ANO4: variants seen among roughly 807,000 people sequenced by gnomAD.
The protein encoded by ANO4 is anoctamin 4, also known as anoctamin-4.
In ANO4, 69 loss-of-function variants were observed where a neutral mutation model predicts 141.9. The ratio of observed to expected loss-of-function variants is 0.49; its 90% CI spans 0.40 to 0.59. ANO4 has a LOEUF of 0.59. Among genes scored for constraint, ANO4 ranks in the 20% least tolerant of loss-of-function variants. The pLI, the probability that ANO4 is intolerant of heterozygous loss-of-function variation, is 0.00. For missense variants in ANO4, 894 were observed against 1,162.2 expected, an observed-to-expected ratio of 0.77 and a Z score of 3.36; for synonymous variants, 350 against 394.3, an observed-to-expected ratio of 0.89 and a Z score of 1.33.
At chr12:100,889,150 G>A (rs930011464) in intron 1 of ANO4, among the ~76,000 whole-genome samples, 1 of 150,952 alleles carries the variant, frequency 6.6e-6, no homozygotes, top group Admixed American at 6.6e-5. Flanking sequence ...TTGTCCTTGC[G>A]ATAGTTTACT....
intron 8 of ANO4, among the ~76,000 whole-genome samples, chr12:101,008,133 G>A (rs529139462): frequency 2.6e-5 from 4 of 152,198 alleles, no homozygotes; most frequent in South Asian, 4.1e-4. Flanking sequence ...TTTTTAAAAT[G>A]TTAGTTATCT....
chr12:100,734,678 G>A (rs1293882284), intron 2 of ANO4, among the ~76,000 whole-genome samples: 2 of 137,766 alleles, frequency 1.5e-5, no homozygotes, highest in Admixed American at 1.5e-4. Flanking sequence ...TTCATTCTAG[G>A]TCTGTTTGAC....
intron 16 of ANO4, 147 bp from the exon 17 acceptor site, chr12:101,086,513 T>C (rs2049507408): frequency 1.2e-6 from 1 of 814,372 alleles, no homozygotes. Flanking sequence ...TTAACCACAA[T>C]GAAAAGTATG....
chr12:100,998,071 G>A (rs1331714537), intron 8 of ANO4, among the ~76,000 whole-genome samples: 1 of 152,150 alleles, frequency 6.6e-6, no homozygotes, highest in Non-Finnish European at 1.5e-5. Flanking sequence ...GGGTGTGTCT[G>A]TGAGGCCAAA....
intron 5 of ANO4, among the ~76,000 whole-genome samples, chr12:100,950,479 C>T (rs1289690327): frequency 6.6e-6 from 1 of 152,168 alleles, no homozygotes; most frequent in Non-Finnish European, 1.5e-5. Flanking sequence ...GGTGGCTTTT[C>T]TGTTAACTTG....
At chr12:100,973,666 G>GT (rs1394933176) in intron 6 of ANO4, among the ~76,000 whole-genome samples, 1 of 152,086 alleles carries the variant, frequency 6.6e-6, no homozygotes, top group African/African-American at 2.4e-5. Flanking sequence ...TTGCATTAGC[G>GT]TGATATATTT....
intron 1 of ANO4, among the ~76,000 whole-genome samples, chr12:100,873,342 A>G (rs2039128258): frequency 1.3e-5 from 2 of 152,296 alleles, no homozygotes; most frequent in Middle Eastern, 3.4e-3. Context: ...AAAGTTTGGA[A>G]TTTCCTAGAA....
intron 9 of ANO4, among the ~76,000 whole-genome samples, chr12:101,022,729 G>A (rs1247496792): frequency 1.3e-5 from 2 of 152,092 alleles, no homozygotes; most frequent in African/African-American, 4.8e-5. Context: ...ATCATTTGCA[G>A]TACAACTTAT....
rs184951255 is a variant in ANO4, at chr12:100,956,792, C to A, written c.456+14257C>A. ...GATTGTTCAAGGGGATCTCCCCCAACTGCACGTATCTGTAGAAACTCCAGT... is the reference window on the plus strand; with the variant it reads ...GATTGTTCAAGGGGATCTCCCCCAAATGCACGTATCTGTAGAAACTCCAGT... On this transcript the variant is annotated intron_variant, in intron 5 of 27. Coordinates refer to ENST00000392977, the MANE Select transcript of ANO4 (RefSeq NM_001286615.2). 3.2e-4 allele frequency among the ~76,000 whole-genome samples: 49 copies of A among 152,328 alleles called. No homozygotes were observed. The East Asian group carries it at 7.1e-3, about 22-fold the overall frequency.
At chr12:101,061,474 G>A (rs902587969) in intron 14 of ANO4, among the ~76,000 whole-genome samples, 2 of 152,010 alleles carry the variant, frequency 1.3e-5, no homozygotes. Context: ...CCTGAAGAGT[G>A]TTTTCCAACT....
rs944512224 is a variant in ANO4, at chr12:101,094,260, A to T, written c.1706A>T (p.Tyr569Phe). 3.1e-6 allele frequency: 5 copies of T among 1,610,558 alleles called. No individual in the cohort carries two copies. Among genetic ancestry groups the T allele is most frequent in the East Asian group, 2.2e-5 (1 of 44,780 alleles). The part of the protein sequence containing the change: ...FCIIMLLNVL[Y>F]EKVALLLTNL... ...TGCATGAAATTTATTTTACAGCTCT[A>T]TGAAAAAGTTGCCCTGCTTCTGACG... Residue 569 changes from tyrosine (Y) to phenylalanine (F), a missense_variant, in exon 18 of 28, where the codon TAT becomes TTT. Physicochemically the swap from Tyr to Phe is conservative, Grantham distance 22. Around this residue, in one of 2 missense-constraint regions of ANO4, gnomAD observed 637 missense variants for 909.2 expected, o/e 0.70. Transcript: ENST00000392977.
intron 14 of ANO4, among the ~76,000 whole-genome samples, chr12:101,060,092 T>C (rs1026922569): frequency 9.2e-5 from 14 of 152,256 alleles, no homozygotes; most frequent in Admixed American, 2.0e-4. Flanking sequence ...TTTGTTCCCA[T>C]TAGTTTCAAA....
At chr12:101,029,852 G>A (rs921060786) in intron 9 of ANO4, among the ~76,000 whole-genome samples, 1 of 138,388 alleles carries the variant, frequency 7.2e-6, no homozygotes, top group Non-Finnish European at 1.5e-5. Flanking sequence ...AGAGATTGCA[G>A]TGAGCCTAGA....
At chr12:100,793,843 GA>G (rs2034148056), upstream of ANO4, among the ~76,000 whole-genome samples, 1 of 152,120 alleles carries the variant, frequency 6.6e-6, no homozygotes, top group African/African-American at 2.4e-5. Context: ...TAGAATAGGG[GA>G]AAAGGGAAGT....
intron 8 of ANO4, among the ~76,000 whole-genome samples, chr12:100,992,329 G>A (rs1276425700): frequency 6.6e-6 from 1 of 151,974 alleles, no homozygotes; most frequent in East Asian, 1.9e-4. Flanking sequence ...TGCCTTTCTT[G>A]CCTCCCACTC....
chr12:100,732,999 T>A (rs1227003626), intron 1 of ANO4, among the ~76,000 whole-genome samples: 2 of 152,136 alleles, frequency 1.3e-5, no homozygotes, highest in Non-Finnish European at 2.9e-5. Flanking sequence ...CCCCTCTCTG[T>A]CTCCACTGCC....
chr12:100,827,992 G>T (rs2036444892), intron 1 of ANO4, among the ~76,000 whole-genome samples: 1 of 151,994 alleles, frequency 6.6e-6, no homozygotes, highest in South Asian at 2.1e-4. Flanking sequence ...ATGGATAGGG[G>T]TAAGTTATAT....
intron 1 of ANO4, among the ~76,000 whole-genome samples, chr12:100,725,025 AT>A (rs2031046390): frequency 6.6e-6 from 1 of 152,198 alleles, no homozygotes; most frequent in South Asian, 2.1e-4. Flanking sequence ...ATAAACATAT[AT>A]TTTGTAAATT....
At chr12:100,868,183 G>C (rs1022358017) in intron 1 of ANO4, among the ~76,000 whole-genome samples, 5 of 152,124 alleles carry the variant, frequency 3.3e-5, no homozygotes, top group African/African-American at 1.2e-4. Context: ...ACAGCCATAG[G>C]ATGCTATGTG....
Sources: gnomAD v4.1 joint callset for allele counts (sites outside exome capture counted in the v4.1 genomes callset) on GRCh38, gnomAD v4.1.1 for gene constraint, gnomAD v4.1.1 regional missense constraint, MANE v1.5 for transcripts, NCBI Gene and HGNC (gene_info 2026-07-23, HGNC 2026-07-21) for gene names.